NIPAL2: variants seen among roughly 807,000 people sequenced by gnomAD.
NIPAL2 encodes NIPA like domain containing 2.
NIPAL2 carries 43 observed loss-of-function variants against 48.9 expected under a neutral mutation model. The observed-to-expected ratio is 0.88, with a 90% confidence interval of 0.69 to 1.13. NIPAL2 has a LOEUF of 1.13. Among genes scored for constraint, NIPAL2 ranks in the 50% most tolerant of loss-of-function variants. NIPAL2 has a pLI of 0.00. For synonymous variants in NIPAL2, 167 were observed against 174.6 expected, an observed-to-expected ratio of 0.96 and a Z score of 0.34; for missense variants, 446 against 461.4, an observed-to-expected ratio of 0.97 and a Z score of 0.31.
At chr8:98,213,158 G>A (rs1214637101) in intron 5 of NIPAL2, among the ~76,000 whole-genome samples, 4 of 152,068 alleles carry the variant, frequency 2.6e-5, no homozygotes, top group Non-Finnish European at 5.9e-5. Flanking sequence ...AGAACGTACC[G>A]ACACCTCTGA....
intron 3 of NIPAL2, among the ~76,000 whole-genome samples, chr8:98,240,582 C>T (rs548317714): frequency 2.0e-5 from 3 of 152,126 alleles, no homozygotes; most frequent in South Asian, 4.2e-4. Flanking sequence ...ATCTTGGGGC[C>T]GATATATAAA....
intron 8 of NIPAL2, 45 bp from the exon 9 acceptor site, chr8:98,196,050 T>C: frequency 9.1e-7 from 1 of 1,103,014 alleles, no homozygotes; most frequent in Non-Finnish European, 1.3e-6. Context: ...GAAGTAAGGT[T>C]ATTTATAATA....
intron 5 of NIPAL2, among the ~76,000 whole-genome samples, chr8:98,215,070 T>G (rs1409342928): frequency 6.6e-6 from 1 of 152,242 alleles, no homozygotes; most frequent in African/African-American, 2.4e-5. Flanking sequence ...CCGCTGTATT[T>G]GTTGCTGGAG....
intron 1 of NIPAL2, among the ~76,000 whole-genome samples, chr8:98,256,126 C>T (rs1052529389): frequency 5.3e-5 from 8 of 151,998 alleles, no homozygotes; most frequent in Admixed American, 2.0e-4. Flanking sequence ...GAGGTTCAAG[C>T]GATTCTCGTG....
At chr8:98,215,601 G>A (rs1811536784) in intron 5 of NIPAL2, among the ~76,000 whole-genome samples, 1 of 152,158 alleles carries the variant, frequency 6.6e-6, no homozygotes, top group African/African-American at 2.4e-5. Flanking sequence ...TTACAGGTGA[G>A]GAAACTGAGG....
intron 1 of NIPAL2, among the ~76,000 whole-genome samples, chr8:98,261,675 G>C (rs1286805703): frequency 8.0e-5 from 11 of 137,984 alleles, no homozygotes; most frequent in African/African-American, 3.0e-4. Context: ...AAGTGATGGG[G>C]AGAATGGAAC....
intron 5 of NIPAL2, among the ~76,000 whole-genome samples, chr8:98,220,649 T>G (rs776902306): frequency 6.6e-6 from 1 of 152,124 alleles, no homozygotes; most frequent in African/African-American, 2.4e-5. Flanking sequence ...GCTCGAGTGA[T>G]TCTCCCACCT....
intron 7 of NIPAL2, among the ~76,000 whole-genome samples, 182 bp downstream of exon 7, chr8:98,204,929 A>C (rs1810958695): frequency 6.6e-6 from 1 of 152,156 alleles, no homozygotes. Flanking sequence ...ACGCTTCATA[A>C]AAACTCATTA....
chr8:98,220,191 G>C (rs1811783265), intron 5 of NIPAL2, among the ~76,000 whole-genome samples: 1 of 152,104 alleles, frequency 6.6e-6, no homozygotes, highest in Admixed American at 6.6e-5. Flanking sequence ...AGGATATATA[G>C]AATTCTTGTC....
At chr8:98,263,537 G>A (rs1311621273) in intron 1 of NIPAL2, among the ~76,000 whole-genome samples, 1 of 150,508 alleles carries the variant, frequency 6.6e-6, no homozygotes, top group East Asian at 1.9e-4. Context: ...AGAAGAAATT[G>A]ATAAATTCCT....
rs567101756 is a variant in NIPAL2, at chr8:98,206,851, C to T, written c.656-1605G>A. Among the ~76,000 whole-genome samples the T allele has an allele frequency of 2.6e-5, 4 of 152,044 alleles. No individual in the cohort carries two copies. The South Asian group carries it at 8.3e-4, about 32-fold the overall frequency. ...GGTGATAAATTCTAAAAACAAACCC[C>T]ACTTCTCAACAAAGAGGCCCTTACA... On this transcript the variant is annotated intron_variant, in intron 6 of 10. Coordinates refer to ENST00000430223, the MANE Select transcript of NIPAL2 (RefSeq NM_001321635.2).
At chr8:98,259,824 C>T (rs559544754) in intron 1 of NIPAL2, among the ~76,000 whole-genome samples, 1 of 152,320 alleles carries the variant, frequency 6.6e-6, no homozygotes, top group South Asian at 2.1e-4. Flanking sequence ...ATCCCTAGAG[C>T]ACCCAGCCCC....
rs774556900 is a variant in NIPAL2 at position 98,242,488 on chromosome 8, A to ATTTTTTGTTTTTTTTTTTT, written c.377-6275_377-6274insAAAAAAAAAAAACAAAAAA. 8.5e-5 allele frequency among the ~76,000 whole-genome samples: 10 copies of ATTTTTTGTTTTTTTTTTTT among 117,758 alleles called. 1 individual carries two copies. Among genetic ancestry groups the ATTTTTTGTTTTTTTTTTTT allele is most frequent in the South Asian group, 5.5e-4 (2 of 3,628 alleles). 77.3% of individuals were successfully genotyped at this position (117,758 alleles called of 152,430 possible). A position where few individuals can be genotyped will look rare whatever the true frequency, so the allele number is the denominator to read the frequency against. The stretch of plus-strand genomic sequence containing the variant: ...AGGCAAAAGCCACTGCACCTGACAG[A>ATTTTTTGTTTTTTTTTTTT]TTTTTTTTTTTTTTTTTTTAACTGA... On this transcript the variant is annotated intron_variant, in intron 3 of 10. Coordinates refer to ENST00000430223, the MANE Select transcript of NIPAL2 (RefSeq NM_001321635.2).
At chr8:98,237,077 T>C (rs1812755818) in intron 3 of NIPAL2, among the ~76,000 whole-genome samples, 2 of 151,984 alleles carry the variant, frequency 1.3e-5, no homozygotes, top group Admixed American at 1.3e-4. Flanking sequence ...TTTCTTTTTT[T>C]TGAGACAGGG....
intron 8 of NIPAL2, among the ~76,000 whole-genome samples, chr8:98,198,928 C>T (rs1192977197): frequency 6.6e-6 from 1 of 151,608 alleles, no homozygotes; most frequent in Non-Finnish European, 1.5e-5. Flanking sequence ...AAATTTCCTT[C>T]AAAAAGTTTT....
chr8:98,292,051 G>T (rs1377295146), intron 1 of NIPAL2, among the ~76,000 whole-genome samples: 1 of 152,218 alleles, frequency 6.6e-6, no homozygotes, highest in Non-Finnish European at 1.5e-5. Flanking sequence ...TAGGCTATCA[G>T]CCAACACACA....
chr8:98,274,275 A>C (rs142523083), intron 1 of NIPAL2, among the ~76,000 whole-genome samples: 15 of 150,794 alleles, frequency 9.9e-5, no homozygotes, highest in East Asian at 9.7e-4. Flanking sequence ...CTATCTCTCT[A>C]TCTATCTATC....
intron 1 of NIPAL2, among the ~76,000 whole-genome samples, chr8:98,269,071 A>G (rs1814966860): frequency 6.6e-6 from 1 of 152,194 alleles, no homozygotes; most frequent in East Asian, 1.9e-4. Context: ...ATTCAATGAC[A>G]TCTTCAGGGT....
intron 4 of NIPAL2, among the ~76,000 whole-genome samples, chr8:98,230,424 T>G (rs1455054987): frequency 6.6e-6 from 1 of 152,196 alleles, no homozygotes; most frequent in South Asian, 2.1e-4. Context: ...AAGGCAAATG[T>G]ATTTGAGCAG....
Sources: gnomAD v4.1 joint callset for allele counts (sites outside exome capture counted in the v4.1 genomes callset) on GRCh38, gnomAD v4.1.1 for gene constraint, MANE v1.5 for transcripts, NCBI Gene and HGNC (gene_info 2026-07-23, HGNC 2026-07-21) for gene names.